POU6F2: variants seen among roughly 807,000 people sequenced by gnomAD.
POU6F2 encodes POU domain, class 6, transcription factor 2.
POU6F2 carries 31 observed loss-of-function variants against 71.3 expected under a neutral mutation model. The ratio of observed to expected loss-of-function variants is 0.43; its 90% confidence interval spans 0.33 to 0.59. The LOEUF is 0.59. Ranked by LOEUF, POU6F2 falls within the 20% of genes least tolerant of loss-of-function variation. The pLI is 0.04. For synonymous variants in POU6F2, 347 were observed against 355.7 expected, an observed-to-expected ratio of 0.98 and a Z score of 0.27; for missense variants, 783 against 856.8, an observed-to-expected ratio of 0.91 and a Z score of 1.07.
At position 39,397,374 on chromosome 7, in the gene POU6F2, GAGACAAATATATAT is replaced by G. The variant is rs1454445400; in HGVS notation, c.973-9210_973-9197del. Among the ~76,000 whole-genome samples the G allele has an allele frequency of 1.8e-3, 270 of 147,400 alleles. 1 individual carries two copies. Among genetic ancestry groups the G allele is most frequent in the African/African-American group, 5.9e-3 (238 of 40,514 alleles). On this transcript the variant is annotated intron_variant, in intron 5 of 9. Transcript: ENST00000518318. Reference sequence around the variant, plus strand: ...AGACATATATAGACAAATATATAGAGAGACAAATATATATAGACAAATATATATATAGACAAAAA... The same window carrying G: ...AGACATATATAGACAAATATATAGAGAGACAAATATATATATAGACAAAAA...
chr7:39,324,387 G>A (rs925200920), intron 4 of POU6F2, among the ~76,000 whole-genome samples: 12 of 152,172 alleles, frequency 7.9e-5, no homozygotes, highest in Admixed American at 4.6e-4. Flanking sequence ...AGTGATGGGG[G>A]CTACTTCTGG....
At chr7:39,034,199 G>A (rs73120475) in intron 1 of POU6F2, 27,461 of 163,468 alleles carry the variant, frequency 0.17, 2,716 homozygotes, top group Non-Finnish European at 0.23. Context: ...TTCATAAAGA[G>A]CATTATGATT....
chr7:39,171,041 T>TTA (rs1554327700), intron 2 of POU6F2, among the ~76,000 whole-genome samples: 2 of 143,470 alleles, frequency 1.4e-5, no homozygotes, highest in African/African-American at 2.5e-5. Context: ...TTTTTTTTTT[T>TTA]ACTTTAAGTT....
At chr7:39,149,168 C>T (rs1301554041) in intron 2 of POU6F2, among the ~76,000 whole-genome samples, 1 of 152,156 alleles carries the variant, frequency 6.6e-6, no homozygotes, top group African/African-American at 2.4e-5. Context: ...CACTCCATTC[C>T]TCACTGTCTC....
rs1490481565 is a variant in POU6F2, at chr7:39,207,706, T to C, written c.598+86T>C. The C allele has an allele frequency of 7.1e-6, 9 of 1,265,734 alleles. No individual in the cohort carries two copies. In the Admixed American group the frequency reaches 1.9e-4, roughly 26 times the overall value. 78.4% of individuals were successfully genotyped at this position (1,265,734 alleles called of 1,614,324 possible). On this transcript the variant is annotated intron_variant, in intron 4 of 9. Coordinates refer to ENST00000518318, the MANE Select transcript of POU6F2 (RefSeq NM_001370959.1). ...TGGGCAAAAAAAAATGTGCCTAGAA[T>C]GGTGAATGTGGTTCAGAGTTGCTTC...
intron 4 of POU6F2, among the ~76,000 whole-genome samples, chr7:39,217,361 T>C (rs59203809): frequency 0.017 from 2,636 of 152,310 alleles, 66 homozygotes; most frequent in African/African-American, 0.06. Context: ...AAATATGTGC[T>C]AAACCTTCTG....
intron 2 of POU6F2, among the ~76,000 whole-genome samples, chr7:39,131,521 C>A (rs917415850): frequency 1.3e-5 from 2 of 152,130 alleles, no homozygotes; most frequent in Non-Finnish European, 2.9e-5. Flanking sequence ...ACCGAGGCGG[C>A]CACCCTTTAA....
At chr7:39,438,067 G>A (rs962266054) in intron 7 of POU6F2, among the ~76,000 whole-genome samples, 8 of 152,118 alleles carry the variant, frequency 5.3e-5, no homozygotes, top group African/African-American at 1.9e-4. Flanking sequence ...TTTACATTAG[G>A]TATATCTCCT....
At position 39,207,458 on chromosome 7, in the gene POU6F2, C is replaced by T; in HGVS notation, c.436C>T (p.Leu146Phe). Residue 146 changes from leucine to phenylalanine, a missense_variant, in exon 4 of 10, where the codon CTC (leucine) becomes TTC (phenylalanine). Transcript: ENST00000518318. ...CGTGATGCCGGGAGGCCCCCCAGCC[C>T]TCAACCAGCCAATCCTCATTCCCTT... is the stretch of plus-strand genomic sequence containing the variant. ...AGVMPGGPPA[L>F]NQPILIPFNM... The T allele has an allele frequency of 6.2e-7, 1 of 1,614,040 alleles. No homozygotes were observed. The highest frequency in any genetic ancestry group is 8.5e-7 in the Non-Finnish European group (1 of 1,179,884).
chr7:39,368,564 A>G (rs1296854112), intron 5 of POU6F2, among the ~76,000 whole-genome samples: 1 of 152,194 alleles, frequency 6.6e-6, no homozygotes, highest in Non-Finnish European at 1.5e-5. Context: ...TGGCTACACT[A>G]AACAGATTTT....
rs930763946 is a variant in POU6F2 at position 39,227,477 on chromosome 7, A to G, written c.598+19857A>G. 4.6e-5 allele frequency among the ~76,000 whole-genome samples: 7 copies of G among 151,974 alleles called. No homozygotes were observed. In the East Asian group the frequency reaches 7.7e-4, roughly 17 times the overall value. ...CCATGTAGCATCACCTGGGCTTTGT[A>G]AAAAAGAGCAACTCCTAGGCCCCTT... On this transcript the variant is annotated intron_variant, in intron 4 of 9. Coordinates refer to ENST00000518318, the MANE Select transcript of POU6F2 (RefSeq NM_001370959.1).
intron 4 of POU6F2, among the ~76,000 whole-genome samples, chr7:39,318,749 C>T (rs996987597): frequency 6.6e-5 from 10 of 152,162 alleles, no homozygotes; most frequent in Non-Finnish European, 7.3e-5. Flanking sequence ...CCCCAAATGA[C>T]GACTCAAGGA....
At chr7:39,157,188 T>C (rs538703227) in intron 2 of POU6F2, among the ~76,000 whole-genome samples, 1 of 152,286 alleles carries the variant, frequency 6.6e-6, no homozygotes, top group South Asian at 2.1e-4. Context: ...GTGCATATAA[T>C]GTTAATATTA....
At chr7:39,463,930 A>G (rs1789006572) in intron 9 of POU6F2, among the ~76,000 whole-genome samples, 1 of 152,170 alleles carries the variant, frequency 6.6e-6, no homozygotes, top group South Asian at 2.1e-4. Context: ...TGCCTATGAT[A>G]TGTTATGATA....
chr7:39,243,591 G>C (rs1415862680), intron 4 of POU6F2, among the ~76,000 whole-genome samples: 1 of 151,990 alleles, frequency 6.6e-6, no homozygotes, highest in African/African-American at 2.4e-5. Flanking sequence ...TCTTGGCTCA[G>C]CTCTAGGAGA....
At chr7:39,121,059 T>A (rs1344409821) in intron 2 of POU6F2, among the ~76,000 whole-genome samples, 10 of 152,202 alleles carry the variant, frequency 6.6e-5, no homozygotes, top group African/African-American at 1.9e-4. Flanking sequence ...GTGATTACTG[T>A]TTTGTGAAAC....
chr7:39,025,181 G>C (rs986877456), intron 1 of POU6F2, among the ~76,000 whole-genome samples: 2 of 152,160 alleles, frequency 1.3e-5, no homozygotes, highest in African/African-American at 4.8e-5. Context: ...TGCAATTTCA[G>C]ATCCTGTTAT....
intron 1 of POU6F2, among the ~76,000 whole-genome samples, chr7:39,014,000 C>T (rs1437895746): frequency 1.3e-5 from 2 of 152,148 alleles, no homozygotes; most frequent in African/African-American, 2.4e-5. Flanking sequence ...AGAGAGTCCT[C>T]ATGAGTTGCA....
chr7:39,361,929 C>T (rs1444388119), intron 5 of POU6F2, among the ~76,000 whole-genome samples: 1 of 152,126 alleles, frequency 6.6e-6, no homozygotes, highest in Non-Finnish European at 1.5e-5. Flanking sequence ...GAGAGTGATT[C>T]TGTCTCATGG....
Sources: gnomAD v4.1 joint callset for allele counts (sites outside exome capture counted in the v4.1 genomes callset) on GRCh38, gnomAD v4.1.1 for gene constraint, MANE v1.5 for transcripts, NCBI Gene and HGNC (gene_info 2026-07-23, HGNC 2026-07-21) for gene names.